XKR9: variants seen among roughly 807,000 people sequenced by gnomAD.
The protein encoded by XKR9 is XK-related protein 9.
XKR9 carries 32 observed loss-of-function variants against 32.0 expected under a neutral mutation model. The ratio of observed to expected loss-of-function variants is 1.00; its 90% CI spans 0.76 to 1.34. The LOEUF is 1.34. Among genes scored for constraint, XKR9 ranks in the 40% most tolerant of loss-of-function variants. XKR9 has a pLI of 0.00. For missense variants in XKR9, 546 were observed against 429.7 expected (o/e 1.27, Z -2.39); for synonymous variants, 168 against 143.4 (o/e 1.17, Z -1.22).
chr8:70,765,161 TCAC>T (rs1807358107), intron 2 of XKR9, among the ~76,000 whole-genome samples: 1 of 152,196 alleles, frequency 6.6e-6, no homozygotes, highest in Non-Finnish European at 1.5e-5. Flanking sequence ...CCTTGAAGAA[TCAC>T]CACATTGTCT....
chr8:70,915,402 A>G, the XKR9 span, among the ~76,000 whole-genome samples: 5 of 152,178 alleles, frequency 3.3e-5, no homozygotes, highest in Admixed American at 6.5e-5. Context: ...AAATTAAACT[A>G]TAAACTAAAT....
the XKR9 span, among the ~76,000 whole-genome samples, chr8:70,878,492 C>G: frequency 6.6e-6 from 1 of 151,960 alleles, no homozygotes; most frequent in South Asian, 2.1e-4. Flanking sequence ...AAAAAAAAAG[C>G]AGGGTTGCAA....
the XKR9 span, among the ~76,000 whole-genome samples, chr8:70,810,542 C>G: frequency 1.3e-5 from 2 of 152,216 alleles, no homozygotes; most frequent in South Asian, 4.1e-4. Flanking sequence ...TATTCAGAAA[C>G]CCATCTCACA....
intron 3 of XKR9, among the ~76,000 whole-genome samples, chr8:70,700,633 G>A (rs555605669): frequency 1.3e-4 from 20 of 152,200 alleles, no homozygotes; most frequent in Non-Finnish European, 2.6e-4. Flanking sequence ...GGGGTCAGGG[G>A]TCAGGGACCC....
At chr8:70,995,854 T>C in the XKR9 span, among the ~76,000 whole-genome samples, 3 of 152,214 alleles carry the variant, frequency 2.0e-5, no homozygotes, top group Non-Finnish European at 2.9e-5. Context: ...TTTCCACTTA[T>C]AAAGGCCTGT....
chr8:70,855,685 CA>C, the XKR9 span, among the ~76,000 whole-genome samples: 1 of 152,188 alleles, frequency 6.6e-6, no homozygotes, highest in Non-Finnish European at 1.5e-5. Context: ...TCAGATTCAC[CA>C]AAGTTGAAAT....
the XKR9 span, among the ~76,000 whole-genome samples, chr8:70,953,265 C>A: frequency 6.6e-6 from 1 of 152,294 alleles, no homozygotes; most frequent in East Asian, 1.9e-4. Context: ...TTATTCATAT[C>A]AACTAATCTA....
rs1308420077 is a variant in XKR9 at position 70,669,361 on chromosome 8, G to A, written c.-538G>A. 3 of 493,834 alleles carry A rather than the reference G, an allele frequency of 6.1e-6. No individual in the cohort carries two copies. Among genetic ancestry groups the A allele is most frequent in the African/African-American group, 4.1e-5 (2 of 48,796 alleles). 30.6% of individuals were successfully genotyped at this position (493,834 alleles called of 1,614,324 possible). A position where few individuals can be genotyped will look rare whatever the true frequency, so the allele number is the denominator to read the frequency against. On this transcript the variant is annotated 5_prime_UTR_variant, in exon 1 of 5. Transcript: ENST00000408926. ...ACTAGAGGTCACGTGACGCCGCGCG[G>A]GCTGCGCGGGCAGTGGTGGGAAGGC...
downstream of XKR9, among the ~76,000 whole-genome samples, chr8:70,790,989 G>A (rs545119176): frequency 2.2e-4 from 33 of 152,074 alleles, no homozygotes; most frequent in African/African-American, 6.0e-4. Flanking sequence ...TCCCATTCAC[G>A]TGGTCAGAGT....
chr8:71,046,031 C>A, the XKR9 span, among the ~76,000 whole-genome samples: 4 of 152,244 alleles, frequency 2.6e-5, no homozygotes, highest in African/African-American at 9.6e-5. Context: ...AAAGAAGAAG[C>A]AGTGTCTTGT....
chr8:70,953,622 A>G, the XKR9 span, among the ~76,000 whole-genome samples: 4 of 152,044 alleles, frequency 2.6e-5, no homozygotes, highest in African/African-American at 9.7e-5. Context: ...CTGTTATTCC[A>G]TTATTATTTC....
chr8:70,845,545 A>G, the XKR9 span, among the ~76,000 whole-genome samples: 1 of 152,216 alleles, frequency 6.6e-6, no homozygotes, highest in Admixed American at 6.5e-5. Flanking sequence ...GAAATCAGAA[A>G]AATAATTCAA....
chr8:70,874,491 T>C, the XKR9 span, among the ~76,000 whole-genome samples: 4 of 152,218 alleles, frequency 2.6e-5, no homozygotes. Flanking sequence ...AGAGACTCTT[T>C]GTATTGCAAA....
chr8:70,806,233 A>G, the XKR9 span, among the ~76,000 whole-genome samples: 1 of 152,096 alleles, frequency 6.6e-6, no homozygotes, highest in East Asian at 1.9e-4. Context: ...CGACAACAAC[A>G]AAGAAGTCCC....
chr8:71,039,746 C>T, the XKR9 span, among the ~76,000 whole-genome samples: 1 of 152,120 alleles, frequency 6.6e-6, no homozygotes, highest in Admixed American at 6.5e-5. Context: ...GGTTGACTCC[C>T]CTCATGGTTA....
the XKR9 span, among the ~76,000 whole-genome samples, chr8:71,051,528 GGTGTGT>G: frequency 5.0e-5 from 2 of 40,208 alleles, no homozygotes; most frequent in Non-Finnish European, 1.6e-4. Context: ...GTGGTGGTGG[GGTGTGT>G]GTGTGTGTGT....
the XKR9 span, among the ~76,000 whole-genome samples, chr8:70,804,310 A>G: frequency 1.3e-5 from 2 of 152,264 alleles, no homozygotes; most frequent in South Asian, 4.1e-4. Context: ...CTGAGTTCAC[A>G]GAGAAGTAAG....
At chr8:71,008,811 C>G in the XKR9 span, among the ~76,000 whole-genome samples, 5 of 151,834 alleles carry the variant, frequency 3.3e-5, no homozygotes, top group Non-Finnish European at 7.4e-5. Flanking sequence ...TGAGACTACA[C>G]CTGAGTGCCA....
intron 2 of XKR9, among the ~76,000 whole-genome samples, chr8:70,746,939 C>A (rs929334304): frequency 6.6e-6 from 1 of 152,102 alleles, no homozygotes; most frequent in Non-Finnish European, 1.5e-5. Flanking sequence ...CTTTTGGAAT[C>A]CCCAGTGTTT....
Sources: allele counts gnomAD v4.1 joint callset (sites outside exome capture counted in the v4.1 genomes callset), GRCh38; gene constraint gnomAD v4.1.1; transcripts MANE v1.5; gene names NCBI Gene and HGNC (gene_info 2026-07-23, HGNC 2026-07-21).